Variants in DIP2C observed in about 807,000 individuals in gnomAD.
DIP2C encodes DIP2 acetate--CoA ligase C (putative).
DIP2C carries 33 observed loss-of-function variants against 192.4 expected under a neutral mutation model. The observed-to-expected ratio is 0.17, with a 90% CI of 0.13 to 0.23. The LOEUF (loss-of-function observed/expected upper bound fraction) is 0.23, where lower values mean the gene tolerates loss of function less well. Among genes scored for constraint, DIP2C ranks in the 10% least tolerant of loss-of-function variants. The pLI is 1.00. For synonymous variants in DIP2C, 979 were observed against 864.1 expected (o/e 1.13, Z -2.33); for missense variants, 1,537 against 2,110.1 (o/e 0.73, Z 5.32).
At chr10:350,582 G>A (rs1240349895) in intron 24 of DIP2C, among the ~76,000 whole-genome samples, 4 of 151,570 alleles carry the variant, frequency 2.6e-5, no homozygotes, top group African/African-American at 9.7e-5. Flanking sequence ...CAGTCCATGG[G>A]GTCAGGAAGA....
chr10:434,020 C>G (rs942996429), intron 4 of DIP2C, among the ~76,000 whole-genome samples: 1 of 151,742 alleles, frequency 6.6e-6, no homozygotes, highest in Admixed American at 6.6e-5. Flanking sequence ...TCACAAGTAA[C>G]CCAAGCCCAC....
At chr10:658,245 G>C (rs1283079394) in intron 1 of DIP2C, among the ~76,000 whole-genome samples, 285 of 150,736 alleles carry the variant, frequency 1.9e-3, no homozygotes, top group African/African-American at 6.5e-3. Flanking sequence ...CGCTGGACCT[G>C]ATGCTGGACC....
intron 4 of DIP2C, among the ~76,000 whole-genome samples, chr10:431,430 A>C (rs1208583243): frequency 6.6e-6 from 1 of 152,104 alleles, no homozygotes; most frequent in Non-Finnish European, 1.5e-5. Context: ...CATTTTGGGG[A>C]GTGCTACTGG....
In DIP2C at chr10:484,448, A is replaced by G. The variant is rs187537352; in HGVS notation, c.157+2011T>C. On this transcript the variant is annotated intron_variant, in intron 2 of 36. Coordinates refer to ENST00000280886, the MANE Select transcript of DIP2C (RefSeq NM_014974.3). ...TAATTGGGTCTTTGGCTATAAGATG[A>G]AAGTCTGTAGAATACCAGTGGCTTT... Among the ~76,000 whole-genome samples the G allele has an allele frequency of 1.5e-3, 231 of 152,356 alleles. 1 individual carries two copies. The highest frequency in any genetic ancestry group is 5.0e-3 in the African/African-American group (209 of 41,582).
chr10:352,564 T>G (rs772779794), intron 24 of DIP2C, among the ~76,000 whole-genome samples: 27 of 152,160 alleles, frequency 1.8e-4, no homozygotes, highest in Admixed American at 2.0e-4. Flanking sequence ...GGCACACGAT[T>G]TCACAGCCGG....
intron 8 of DIP2C, among the ~76,000 whole-genome samples, chr10:412,794 A>G (rs1335932399): frequency 2.0e-5 from 3 of 152,214 alleles, no homozygotes; most frequent in African/African-American, 7.2e-5. Flanking sequence ...AAGTGTTGTA[A>G]CAACAAAAGC....
intron 31 of DIP2C, among the ~76,000 whole-genome samples, chr10:321,577 G>GCC (rs1957021632): frequency 8.0e-6 from 1 of 124,508 alleles, no homozygotes; most frequent in African/African-American, 3.1e-5. Context: ...TCAGTCGGGG[G>GCC]TGCGGGGCTC....
At chr10:512,360 A>C (rs1233173885) in intron 1 of DIP2C, among the ~76,000 whole-genome samples, 1 of 152,126 alleles carries the variant, frequency 6.6e-6, no homozygotes, top group East Asian at 1.9e-4. Context: ...GGAGCTCAAG[A>C]CCAGCCTGGG....
chr10:515,785 A>G (rs994959495), intron 1 of DIP2C, among the ~76,000 whole-genome samples: 1 of 152,102 alleles, frequency 6.6e-6, no homozygotes, highest in African/African-American at 2.4e-5. Flanking sequence ...GCCCCCACCC[A>G]ACCCAAGCAA....
In DIP2C at chr10:404,006, G is replaced by A. The variant is rs982743543; in HGVS notation, c.1150-4787C>T. Among the ~76,000 whole-genome samples the A allele has an allele frequency of 1.5e-5, 2 of 135,986 alleles. 1 individual carries two copies. Among genetic ancestry groups the A allele is most frequent in the African/African-American group, 5.6e-5 (2 of 35,738 alleles). 89.2% of individuals were successfully genotyped at this position (135,986 alleles called of 152,430 possible). On this transcript the variant is annotated intron_variant, in intron 9 of 36. Coordinates refer to ENST00000280886, the MANE Select transcript of DIP2C (RefSeq NM_014974.3). ...GTGTTCCTCAGCACATGAATCCTAT[G>A]ATTTTACATGTGTGGTAGCATTAGC...
intron 1 of DIP2C, among the ~76,000 whole-genome samples, chr10:670,998 G>A (rs768607782): frequency 6.6e-6 from 1 of 152,208 alleles, no homozygotes; most frequent in Non-Finnish European, 1.5e-5. Flanking sequence ...TTTACTTCAT[G>A]AGGTGCCTCC....
chr10:569,438 T>A (rs1849646912), intron 1 of DIP2C, among the ~76,000 whole-genome samples: 1 of 152,158 alleles, frequency 6.6e-6, no homozygotes, highest in South Asian at 2.1e-4. Flanking sequence ...AGATACATAA[T>A]GATGTGTGAC....
chr10:556,754 G>GT (rs1390836245), intron 1 of DIP2C, among the ~76,000 whole-genome samples: 1 of 152,088 alleles, frequency 6.6e-6, no homozygotes, highest in Admixed American at 6.5e-5. Context: ...TGAAAACAAC[G>GT]TTTTTTCTTG....
At chr10:466,220 G>T (rs1312672574) in intron 3 of DIP2C, among the ~76,000 whole-genome samples, 3 of 152,038 alleles carry the variant, frequency 2.0e-5, no homozygotes, top group African/African-American at 2.4e-5. Flanking sequence ...AACAGAGCCT[G>T]CAGAAATAAT....
rs139165465 is a variant in DIP2C, at chr10:642,461, T to G, written c.85+47033A>C. On this transcript the variant is annotated intron_variant, in intron 1 of 36. Coordinates refer to ENST00000280886, the MANE Select transcript of DIP2C (RefSeq NM_014974.3). ...CACGGGGCAGGTCACAGAGCAAGTG[T>G]CCAGGCACCAGGCCACCAGGTGTCT... Among the ~76,000 whole-genome samples, 480 of 152,332 alleles carry G rather than the reference T, an allele frequency of 3.2e-3. 2 individuals are homozygous for G. Among genetic ancestry groups the G allele is most frequent in the Non-Finnish European group, 5.5e-3 (374 of 68,032 alleles).
chr10:508,828 T>C (rs933684540), intron 1 of DIP2C, among the ~76,000 whole-genome samples: 1 of 152,194 alleles, frequency 6.6e-6, no homozygotes, highest in Admixed American at 6.5e-5. Context: ...TGTGTACTAC[T>C]GATCAGGGCT....
intron 1 of DIP2C, among the ~76,000 whole-genome samples, chr10:571,820 C>T (rs1441067831): frequency 6.6e-6 from 1 of 152,150 alleles, no homozygotes; most frequent in Admixed American, 6.5e-5. Context: ...AGCCAAGAGG[C>T]CCTGCAAAGC....
At chr10:415,725 C>T in intron 7 of DIP2C, 44 bp downstream of exon 7, 1 of 1,609,840 alleles carries the variant, frequency 6.2e-7, no homozygotes, top group Non-Finnish European at 8.5e-7. Context: ...TTTACGGGAC[C>T]ATAGGAGCAT....
intron 1 of DIP2C, among the ~76,000 whole-genome samples, chr10:658,817 GTT>G (rs1856570850): frequency 6.6e-6 from 1 of 152,190 alleles, no homozygotes; most frequent in African/African-American, 2.4e-5. Flanking sequence ...CATCAGGCGT[GTT>G]TACCTAATGG....
Sources: allele counts gnomAD v4.1 joint callset (sites outside exome capture counted in the v4.1 genomes callset), GRCh38; gene constraint gnomAD v4.1.1; transcripts MANE v1.5; gene names NCBI Gene and HGNC (gene_info 2026-07-23, HGNC 2026-07-21).